HMGA2: variants seen among roughly 807,000 people sequenced by gnomAD.
HMGA2 encodes the protein high mobility group AT-hook 2.
A neutral mutation model predicts 19.1 loss-of-function variants in HMGA2; 8 were observed. The observed-to-expected ratio is 0.42, with a 90% CI of 0.25 to 0.76. HMGA2 has a LOEUF of 0.76. HMGA2 is among the 30% of genes least tolerant of loss of function. The pLI is 0.28. For missense variants in HMGA2, 109 were observed against 136.3 expected (o/e 0.80, Z 1.00); for synonymous variants, 60 against 48.8 (o/e 1.23, Z -0.96).
chr12:65,837,943 A>G (rs575005171), intron 2 of HMGA2, among the ~76,000 whole-genome samples: 3 of 152,256 alleles, frequency 2.0e-5, no homozygotes, highest in African/African-American at 4.8e-5. Flanking sequence ...TCAGGCAAGG[A>G]ACATTAAATT....
chr12:65,864,987 C>A (rs1199174193), intron 3 of HMGA2, among the ~76,000 whole-genome samples: 2 of 152,136 alleles, frequency 1.3e-5, no homozygotes, highest in African/African-American at 4.8e-5. Flanking sequence ...CCTCTTCTGC[C>A]TCTGTTACCC....
chr12:65,918,652 A>G (rs955784684), intron 3 of HMGA2, among the ~76,000 whole-genome samples: 1 of 152,164 alleles, frequency 6.6e-6, no homozygotes, highest in African/African-American at 2.4e-5. Flanking sequence ...AAAGAAACAA[A>G]ACTCAGATTT....
In HMGA2 at chr12:65,965,403, C is replaced by T. The variant is rs17847170; in HGVS notation, c.*2111C>T. 30 of 203,378 alleles carry T rather than the reference C, an allele frequency of 1.5e-4. No homozygotes were observed. In the East Asian group the frequency reaches 2.3e-3, roughly 15 times the overall value. 12.6% of individuals were successfully genotyped at this position (203,378 alleles called of 1,614,324 possible). A position where few individuals can be genotyped will look rare whatever the true frequency, so the allele number is the denominator to read the frequency against. On this transcript the variant is annotated 3_prime_UTR_variant, in exon 5 of 5. Coordinates refer to ENST00000403681, the MANE Select transcript of HMGA2 (RefSeq NM_003483.6). ...TTTTAACATGGTATTATCAACTGGG[C>T]CAGGAGGTAGTTTCTCATGACGGCT... is the stretch of plus-strand genomic sequence containing the variant.
intron 3 of HMGA2, among the ~76,000 whole-genome samples, chr12:65,918,520 C>T (rs1057486770): frequency 6.6e-6 from 1 of 152,088 alleles, no homozygotes; most frequent in African/African-American, 2.4e-5. Flanking sequence ...TTTTTATTTT[C>T]AGACACTTTG....
At chr12:65,858,333 T>C (rs1871851876) in intron 3 of HMGA2, 3 of 150,154 alleles carry the variant, frequency 2.0e-5, no homozygotes, top group Non-Finnish European at 4.4e-5. Context: ...CTTTCTCATT[T>C]ACAAAAAAAA....
chr12:65,956,249 T>G (rs1053182573), intron 4 of HMGA2: 2 of 152,216 alleles, frequency 1.3e-5, no homozygotes, highest in Non-Finnish European at 2.9e-5. Context: ...GTAAAACATC[T>G]TGTGGGCCAG....
chr12:65,885,794 T>A (rs1241669256), intron 3 of HMGA2, among the ~76,000 whole-genome samples: 1 of 152,190 alleles, frequency 6.6e-6, no homozygotes, highest in Non-Finnish European at 1.5e-5. Context: ...AACCAATGAC[T>A]TTGAGAGTCA....
intron 3 of HMGA2, chr12:65,881,912 C>T: frequency 1.4e-6 from 1 of 702,072 alleles, no homozygotes; most frequent in Non-Finnish European, 2.6e-6. Flanking sequence ...AGTATGTTTC[C>T]ATGCTGCAGA....
chr12:65,855,573 G>A (rs1035460904), intron 3 of HMGA2, among the ~76,000 whole-genome samples: 2 of 151,886 alleles, frequency 1.3e-5, no homozygotes, highest in African/African-American at 4.8e-5. Flanking sequence ...CTGCACTCTA[G>A]TCTGAGAAAA....
At chr12:65,953,298 G>A (rs1461631501) in intron 4 of HMGA2, 1 of 152,212 alleles carries the variant, frequency 6.6e-6, no homozygotes, top group Non-Finnish European at 1.5e-5. Context: ...GAATGTCAAT[G>A]TGTATGGGAC....
At chr12:65,933,237 TA>T (rs1875778705) in intron 3 of HMGA2, among the ~76,000 whole-genome samples, 1 of 152,032 alleles carries the variant, frequency 6.6e-6, no homozygotes, top group African/African-American at 2.4e-5. Flanking sequence ...CTGCCAAGAG[TA>T]ACCTGGGGAC....
At chr12:65,827,944 G>A in intron 1 of HMGA2, 57 bp from the exon 2 acceptor site, 2 of 1,212,512 alleles carry the variant, frequency 1.6e-6, no homozygotes, top group Non-Finnish European at 2.5e-6. Context: ...AAGAGTCAGG[G>A]TCAATTTCTT....
rs117253673 is a variant in HMGA2, at chr12:65,943,462, G to C, written c.250-7921G>C. ...GTCTGATGTTAATCAACACTAACTAGAGCAGCTTGTGGCTATTCTCATCCT... is the reference window on the plus strand; with the variant it reads ...GTCTGATGTTAATCAACACTAACTACAGCAGCTTGTGGCTATTCTCATCCT... On this transcript the variant is annotated intron_variant, in intron 3 of 4. Coordinates refer to ENST00000403681, the MANE Select transcript of HMGA2 (RefSeq NM_003483.6). Among the ~76,000 whole-genome samples, 240 of 152,298 alleles carry C rather than the reference G, an allele frequency of 1.6e-3. 7 individuals carry two copies. In the East Asian group the frequency reaches 0.042, roughly 27 times the overall value.
chr12:65,850,717 T>TTA (rs1225178975), intron 3 of HMGA2, among the ~76,000 whole-genome samples: 9 of 152,204 alleles, frequency 5.9e-5, no homozygotes, highest in African/African-American at 1.7e-4. Flanking sequence ...GTGCTTTTAT[T>TTA]TATTTTTTTA....
chr12:65,865,150 T>C lies in HMGA2; in HGVS notation c.249+26581T>C, dbSNP rs190927060. On this transcript the variant is annotated intron_variant, in intron 3 of 4. Coordinates refer to ENST00000403681, the MANE Select transcript of HMGA2 (RefSeq NM_003483.6). ...TTATTTTTTTGTAGTTTACATGTAG[T>C]TTGTAAGGATGCAGTATATAATAAT... 2.4e-4 allele frequency among the ~76,000 whole-genome samples: 37 copies of C among 152,330 alleles called. No individual in the cohort carries two copies. In the East Asian group the frequency reaches 5.6e-3, roughly 23 times the overall value.
intron 3 of HMGA2, among the ~76,000 whole-genome samples, chr12:65,875,148 C>A (rs1347567284): frequency 1.3e-5 from 2 of 152,076 alleles, no homozygotes; most frequent in African/African-American, 4.8e-5. Flanking sequence ...AAAGTAGTCC[C>A]AAATTAATTT....
At chr12:65,854,729 C>A (rs1055652820) in intron 3 of HMGA2, among the ~76,000 whole-genome samples, 16 of 152,204 alleles carry the variant, frequency 1.1e-4, no homozygotes, top group Non-Finnish European at 1.8e-4. Context: ...TCTCCCTCCC[C>A]ACTCCGGTAT....
At chr12:65,843,512 C>A (rs1871094055) in intron 3 of HMGA2, 1 of 186,918 alleles carries the variant, frequency 5.3e-6, no homozygotes, top group Admixed American at 6.2e-5. Context: ...AAAATAAAAT[C>A]TACTACACAC....
chr12:65,951,557 G>C (rs1167373034), intron 4 of HMGA2, 142 bp downstream of exon 4: 1 of 644,728 alleles, frequency 1.6e-6, no homozygotes, highest in Non-Finnish European at 2.8e-6. Flanking sequence ...ATGTGTTGTA[G>C]CCTTCAAAGT....
Sources: gnomAD v4.1 joint callset for allele counts (sites outside exome capture counted in the v4.1 genomes callset) on GRCh38, gnomAD v4.1.1 for gene constraint, MANE v1.5 for transcripts, NCBI Gene and HGNC (gene_info 2026-07-23, HGNC 2026-07-21) for gene names.